RXFP1: variants seen among roughly 807,000 people sequenced by gnomAD.
RXFP1 encodes the protein relaxin receptor 1.
Under a neutral mutation model 89.8 loss-of-function variants are expected in RXFP1, and 73 were observed. That is an observed-to-expected ratio of 0.81 (90% confidence interval 0.67 to 0.99). The LOEUF is 0.99. Among genes scored for constraint, RXFP1 ranks in the 50% least tolerant of loss-of-function variants. RXFP1 has a pLI of 0.00. For synonymous variants in RXFP1, 277 were observed against 305.5 expected, an observed-to-expected ratio of 0.91 and a Z score of 0.97; for missense variants, 793 against 895.5, an observed-to-expected ratio of 0.89 and a Z score of 1.46.
At chr4:158,540,723 C>A (rs1044509147) in intron 1 of RXFP1, among the ~76,000 whole-genome samples, 3 of 151,752 alleles carry the variant, frequency 2.0e-5, no homozygotes, top group African/African-American at 4.8e-5. Flanking sequence ...AAGCCCACAG[C>A]GCACATCTGG....
chr4:158,600,714 G>A (rs906457557), intron 4 of RXFP1, among the ~76,000 whole-genome samples: 8 of 151,934 alleles, frequency 5.3e-5, no homozygotes, highest in Admixed American at 1.3e-4. Flanking sequence ...TGTAGTCTCA[G>A]CTACTTGGAG....
intron 2 of RXFP1, among the ~76,000 whole-genome samples, chr4:158,587,382 A>T (rs1758503525): frequency 6.6e-6 from 1 of 152,210 alleles, no homozygotes; most frequent in Non-Finnish European, 1.5e-5. Context: ...TAATACCTTG[A>T]TTTGCAATAC....
intron 1 of RXFP1, among the ~76,000 whole-genome samples, chr4:158,550,411 A>G (rs920341154): frequency 2.0e-5 from 3 of 152,224 alleles, no homozygotes; most frequent in Non-Finnish European, 2.9e-5. Flanking sequence ...GTGTGAGGCA[A>G]TGCCTCGCCC....
chr4:158,647,190 C>T lies in RXFP1; in HGVS notation c.1745C>T (p.Ala582Val). 1.9e-6 allele frequency: 3 copies of T among 1,560,156 alleles called. No individual in the cohort carries two copies. The highest frequency in any genetic ancestry group is 2.6e-6 in the Non-Finnish European group (3 of 1,156,982). ...ATTGGAGCCCAGATTTATTCAGTGG[C>T]AATTTTTCTTGGTAAGAAACTAAGA... The part of the protein sequence containing the change: ...ESIGAQIYSV[A>V]IFLGINLAAF... The change falls in exon 16 of 18, where the codon GCA becomes GTA. Residue 582 changes from alanine (A) to valine (V), a missense_variant. Ala to Val is a moderately conservative substitution (Grantham distance 64). Coordinates refer to ENST00000307765, the MANE Select transcript of RXFP1 (RefSeq NM_021634.4).
intron 9 of RXFP1, among the ~76,000 whole-genome samples, chr4:158,624,384 GA>G (rs1462805411): frequency 1.3e-5 from 2 of 152,118 alleles, no homozygotes; most frequent in Non-Finnish European, 2.9e-5. Context: ...TTCATGTTTT[GA>G]ATGCCACTAA....
chr4:158,537,783 C>G (rs1181971006), intron 1 of RXFP1, among the ~76,000 whole-genome samples: 3 of 151,990 alleles, frequency 2.0e-5, no homozygotes, highest in Admixed American at 2.0e-4. Context: ...AAAAAGTAAA[C>G]TAATAAACAA....
chr4:158,543,789 A>G (rs1747460507), intron 1 of RXFP1: 2 of 985,230 alleles, frequency 2.0e-6, no homozygotes, highest in African/African-American at 1.7e-5. Flanking sequence ...ATCAAATAGT[A>G]TTACAACAGC....
intron 17 of RXFP1, among the ~76,000 whole-genome samples, chr4:158,649,099 C>A (rs62351171): frequency 7.6e-5 from 2 of 26,302 alleles, no homozygotes; most frequent in Non-Finnish European, 1.7e-3. Flanking sequence ...GGTGACAGAG[C>A]CAAAAAAAAA....
intron 8 of RXFP1, among the ~76,000 whole-genome samples, chr4:158,614,455 C>T (rs78491912): frequency 2.7e-3 from 410 of 152,288 alleles, no homozygotes; most frequent in Middle Eastern, 0.014. Flanking sequence ...GATAACTTGC[C>T]GCAGCTTCTC....
rs776766348 is a variant in RXFP1 at position 158,612,277 on chromosome 4, C to A, written c.609-14C>A. On this transcript the variant is annotated splice_polypyrimidine_tract_variant and intron_variant, in intron 7 of 17. Transcript: ENST00000307765. ...GATATATAAATGAATTAATTTTTTT[C>A]TTCTGGCTGTCAGGATAATTGAAGA... The A allele has an allele frequency of 6.2e-7, 1 of 1,607,762 alleles. No homozygotes were observed. Among genetic ancestry groups the A allele is most frequent in the Non-Finnish European group, 8.5e-7 (1 of 1,177,396 alleles).
At chr4:158,573,089 A>G in intron 2 of RXFP1, 2 of 298,904 alleles carry the variant, frequency 6.7e-6, no homozygotes, top group Non-Finnish European at 6.1e-6. Flanking sequence ...GCTCACTGCA[A>G]CCTCTGCCTC....
chr4:158,531,737 T>C (rs146139085), intron 1 of RXFP1, among the ~76,000 whole-genome samples: 269 of 152,330 alleles, frequency 1.8e-3, no homozygotes, highest in African/African-American at 6.1e-3. Flanking sequence ...TTTTCATGTT[T>C]ACAGACCAGA....
At chr4:158,617,761 AAAT>A (rs1444993831) in intron 9 of RXFP1, among the ~76,000 whole-genome samples, 7 of 152,158 alleles carry the variant, frequency 4.6e-5, no homozygotes, top group African/African-American at 1.7e-4. Context: ...TAAAAGAAAG[AAAT>A]AACCAAAATA....
At chr4:158,615,781 CAA>C (rs534617957) in intron 8 of RXFP1, among the ~76,000 whole-genome samples, 1 of 145,382 alleles carries the variant, frequency 6.9e-6, no homozygotes, top group African/African-American at 2.5e-5. Flanking sequence ...CCATCTCTAC[CAA>C]AAAAAAAAAT....
intron 14 of RXFP1, among the ~76,000 whole-genome samples, chr4:158,640,539 G>A (rs1233664506): frequency 1.3e-5 from 2 of 152,102 alleles, no homozygotes; most frequent in African/African-American, 4.8e-5. Context: ...GGAGGTGCCA[G>A]CTCTTTTTAA....
Position 158,648,670 on chromosome 4 carries a change from C to A in RXFP1, c.1928C>A (p.Pro643His). 6.2e-7 allele frequency: 1 copy of A among 1,610,218 alleles called. No individual in the cohort carries two copies. The highest frequency in any genetic ancestry group is 8.5e-7 in the Non-Finnish European group (1 of 1,178,510). ...TTTACTGATGCATTATGCTGGATAC[C>A]CATTTTTGTAGTGAAATTTCTTTCA... ...IVFTDALCWIPIFVVKFLSLL... is the reference protein window; with the variant it reads ...IVFTDALCWIHIFVVKFLSLL... The change falls in exon 17 of 18, where the codon CCC (proline) becomes CAC (histidine). Residue 643 changes from proline (P) to histidine (H), a missense_variant. Coordinates refer to ENST00000307765, the MANE Select transcript of RXFP1 (RefSeq NM_021634.4).
intron 1 of RXFP1, among the ~76,000 whole-genome samples, chr4:158,535,157 G>C (rs940113371): frequency 6.6e-6 from 1 of 151,968 alleles, no homozygotes; most frequent in South Asian, 2.1e-4. Context: ...TACAGCATGC[G>C]CAAGGTCATG....
intron 1 of RXFP1, among the ~76,000 whole-genome samples, chr4:158,534,489 C>T (rs34746177): frequency 0.042 from 6,381 of 152,130 alleles, 185 homozygotes; most frequent in Non-Finnish European, 0.063. Context: ...TCAGGTGATC[C>T]GCCCGCCTCG....
In RXFP1 at chr4:158,652,181, C is replaced by T. The variant is rs1772872180; in HGVS notation, c.*126C>T. On this transcript the variant is annotated 3_prime_UTR_variant, in exon 18 of 18. Coordinates refer to ENST00000307765, the MANE Select transcript of RXFP1 (RefSeq NM_021634.4). ...AGCTAAGATAAATATTTTACAAGGA[C>T]ATGAGGAAAAATAAAAATGACTAAT... 1 of 759,088 alleles carries T rather than the reference C, an allele frequency of 1.3e-6. No individual in the cohort carries two copies. Among genetic ancestry groups the T allele is most frequent in the Non-Finnish European group, 2.0e-6 (1 of 508,554 alleles). 47.0% of individuals were successfully genotyped at this position (759,088 alleles called of 1,614,324 possible).
Sources: allele counts gnomAD v4.1 joint callset (sites outside exome capture counted in the v4.1 genomes callset), GRCh38; gene constraint gnomAD v4.1.1; transcripts MANE v1.5; gene names NCBI Gene and HGNC (gene_info 2026-07-23, HGNC 2026-07-21).